CDC34: variants seen among roughly 807,000 people sequenced by gnomAD.
CDC34 encodes cell division cycle 34, ubiquitin conjugating enzyme.
A neutral mutation model predicts 26.8 loss-of-function variants in CDC34; 18 were observed. The observed-to-expected ratio is 0.67, with a 90% CI of 0.47 to 1.00. CDC34 has a LOEUF of 1.00. Ranked by LOEUF, CDC34 falls within the 50% of genes least tolerant of loss-of-function variation. The probability of loss-of-function intolerance (pLI) is 0.00; values close to 1 mark genes in which losing one functional copy is unlikely to be tolerated. For synonymous variants in CDC34, 178 were observed against 147.5 expected, an observed-to-expected ratio of 1.21 and a Z score of -1.50; for missense variants, 280 against 334.5, an observed-to-expected ratio of 0.84 and a Z score of 1.27.
intron 1 of CDC34, among the ~76,000 whole-genome samples, 173 bp downstream of exon 1, chr19:532,281 C>T (rs1406469528): frequency 2.6e-5 from 4 of 152,220 alleles, no homozygotes; most frequent in African/African-American, 9.6e-5. Flanking sequence ...CTGCCCGGCC[C>T]CCTCCTCGGA....
intron 1 of CDC34, among the ~76,000 whole-genome samples, chr19:532,916 G>A (rs1052392370): frequency 6.6e-6 from 1 of 152,220 alleles, no homozygotes; most frequent in Non-Finnish European, 1.5e-5. Context: ...GCTGGTCTTG[G>A]CCTTTCTCAG....
chr19:539,918 G>A (rs1170583295), intron 4 of CDC34, among the ~76,000 whole-genome samples: 2 of 152,214 alleles, frequency 1.3e-5, no homozygotes, highest in African/African-American at 2.4e-5. Context: ...CCTCCAGGAA[G>A]TTTGAGCTAA....
chr19:538,615 C>T (rs1195975898), intron 4 of CDC34: 2 of 754,986 alleles, frequency 2.6e-6, no homozygotes, highest in Non-Finnish European at 3.2e-6. Flanking sequence ...TTTGTATAAA[C>T]AGAATCTTAA....
chr19:536,598 A>T (rs774888904), intron 3 of CDC34: 22 of 576,888 alleles, frequency 3.8e-5, no homozygotes, highest in African/African-American at 5.6e-5. Context: ...AACCACCTAG[A>T]GGTGTCCCGC....
chr19:536,585 T>G lies in CDC34; in HGVS notation c.362+245T>G, dbSNP rs7249135. ...AGGACCCCAGGCCGGCCCCACCGTC[T>G]GGAACCACCTAGAGGTGTCCCGCCA... On this transcript the variant is annotated intron_variant, in intron 3 of 4. Coordinates refer to ENST00000215574, the MANE Select transcript of CDC34 (RefSeq NM_004359.2). 7.0e-3 allele frequency: 4,057 copies of G among 579,420 alleles called. 134 individuals are homozygous for G. The highest frequency in any genetic ancestry group is 0.068 in the African/African-American group (3,642 of 53,420). 35.9% of individuals were successfully genotyped at this position (579,420 alleles called of 1,614,324 possible).
chr19:540,200 G>A (rs76270394), intron 4 of CDC34, among the ~76,000 whole-genome samples: 20 of 1,154 alleles, frequency 0.017, 8 homozygotes, highest in Admixed American at 0.044. Context: ...CAGGCCCCCC[G>A]GGTTTAGAAT....
At chr19:532,963 C>G (rs961051355) in intron 1 of CDC34, among the ~76,000 whole-genome samples, 1 of 152,170 alleles carries the variant, frequency 6.6e-6, no homozygotes, top group Non-Finnish European at 1.5e-5. Context: ...GACCCAAACC[C>G]CGAGTTCTGG....
intron 1 of CDC34, among the ~76,000 whole-genome samples, chr19:534,910 C>A (rs1568329744): frequency 6.6e-6 from 1 of 152,154 alleles, no homozygotes; most frequent in Non-Finnish European, 1.5e-5. Flanking sequence ...CCTGAGTGCC[C>A]TCCCTGTCCA....
chr19:539,706 C>T (rs1979924152), intron 4 of CDC34, among the ~76,000 whole-genome samples: 1 of 152,204 alleles, frequency 6.6e-6, no homozygotes, highest in Non-Finnish European at 1.5e-5. Flanking sequence ...CCATTGCCTG[C>T]GGCTGCAGCC....
chr19:531,787 GGGCGGC>G lies in CDC34; in HGVS notation c.-134_-129del. On this transcript the variant is annotated 5_prime_UTR_variant, in exon 1 of 5. Transcript: ENST00000215574. Reference sequence around the variant, plus strand: ...AGCTGCTGGAGCGCTCGGGGTCCCCGGGCGGCGGCGGCGGCGCAGAGGAGGAGGCAG... The same window carrying G: ...AGCTGCTGGAGCGCTCGGGGTCCCCGGGCGGCGGCGCAGAGGAGGAGGCAG... 1 of 239,482 alleles carries G rather than the reference GGGCGGC, an allele frequency of 4.2e-6. No individual in the cohort carries two copies. The highest frequency in any genetic ancestry group is 6.9e-6 in the Non-Finnish European group (1 of 145,460). The allele number at this position is 239,482 out of a possible 1,614,324, so 14.8% of individuals were successfully genotyped here.
rs1164906356 is a variant in CDC34 at position 541,814 on chromosome 19, G to A, written c.*262G>A. 3.2e-5 allele frequency: 10 copies of A among 311,214 alleles called. No homozygotes were observed. The Middle Eastern group carries it at 2.7e-3, about 84-fold the overall frequency. The allele number at this position is 311,214 out of a possible 1,614,324, so 19.3% of individuals were successfully genotyped here. A position where few individuals can be genotyped will look rare whatever the true frequency, so the allele number is the denominator to read the frequency against. ...GCCGGCCCACCTGTCCCCTCGGGAG[G>A]GGAGCTGAGCCCGACTTCTACCGGG... is the stretch of plus-strand genomic sequence containing the variant. On this transcript the variant is annotated 3_prime_UTR_variant, in exon 5 of 5. Coordinates refer to ENST00000215574, the MANE Select transcript of CDC34 (RefSeq NM_004359.2).
At chr19:532,206 G>A in intron 1 of CDC34, 98 bp downstream of exon 1, 1 of 1,034,574 alleles carries the variant, frequency 9.7e-7, no homozygotes, top group Non-Finnish European at 1.3e-6. Context: ...CTGTTGCTGG[G>A]CGGGCCCCGA....
rs11557525 is a variant in CDC34 at position 537,034 on chromosome 19, C to G, written c.384C>G (p.Ile128Met). ...QNVRTILLSVISLLNEPNTFS... is the reference protein window; with the variant it reads ...QNVRTILLSVMSLLNEPNTFS... ...ACAGGACCATTCTCCTGAGTGTGAT[C>G]TCCCTCCTGAACGAGCCCAACACCT... Residue 128 changes from isoleucine to methionine, a missense_variant, in exon 4 of 5, where the codon ATC becomes ATG. Ile to Met is a conservative substitution (Grantham distance 10). Transcript: ENST00000215574. 1 of 1,613,810 alleles carries G rather than the reference C, an allele frequency of 6.2e-7. No homozygotes were observed. The highest frequency in any genetic ancestry group is 1.7e-5 in the Admixed American group (1 of 60,032).
chr19:539,156 G>C, intron 4 of CDC34: 1 of 403,010 alleles, frequency 2.5e-6, no homozygotes, highest in Non-Finnish European at 3.4e-6. Context: ...GAGCTGTGTC[G>C]GGCAGGCTGC....
intron 4 of CDC34, 122 bp from the exon 5 acceptor site, chr19:541,217 G>A (rs16990634): frequency 0.058 from 74,557 of 1,289,008 alleles, 2,886 homozygotes; most frequent in African/African-American, 0.17. Flanking sequence ...CTAAGTGGTC[G>A]CCACACGCCG....
At chr19:534,882 GC>G (rs911630943) in intron 1 of CDC34, among the ~76,000 whole-genome samples, 15 of 139,460 alleles carry the variant, frequency 1.1e-4, no homozygotes, top group Non-Finnish European at 1.7e-4. Context: ...TCCAGACCTC[GC>G]CCACGATCCA....
chr19:537,504 C>T (rs1248925452), intron 4 of CDC34, among the ~76,000 whole-genome samples: 1 of 152,102 alleles, frequency 6.6e-6, no homozygotes, highest in Non-Finnish European at 1.5e-5. Context: ...AGGCGCCCGT[C>T]ACCACGCCCG....
intron 4 of CDC34, among the ~76,000 whole-genome samples, chr19:539,242 G>A (rs1339021918): frequency 6.6e-6 from 1 of 152,086 alleles, no homozygotes; most frequent in Non-Finnish European, 1.5e-5. Context: ...TCATGCTGGC[G>A]GTGTGCCGGC....
chr19:531,918 C>A lies in CDC34; in HGVS notation c.-14C>A. ...CCCCGCGCTGCTCCGACCCCGGGCC[C>A]CTCCGCCGCCGCCATGGCTCGGCCG... is the stretch of plus-strand genomic sequence containing the variant. On this transcript the variant is annotated 5_prime_UTR_variant, in exon 1 of 5. Transcript: ENST00000215574. 5.7e-6 allele frequency: 8 copies of A among 1,408,116 alleles called. No individual in the cohort carries two copies. The highest frequency in any genetic ancestry group is 7.4e-6 in the Non-Finnish European group (8 of 1,085,786). The allele number at this position is 1,408,116 out of a possible 1,614,324, so 87.2% of individuals were successfully genotyped here. A position where few individuals can be genotyped will look rare whatever the true frequency, so the allele number is the denominator to read the frequency against.
Sources: allele counts gnomAD v4.1 joint callset (sites outside exome capture counted in the v4.1 genomes callset), GRCh38; gene constraint gnomAD v4.1.1; transcripts MANE v1.5; gene names NCBI Gene and HGNC (gene_info 2026-07-23, HGNC 2026-07-21).